Variants in FAM171A1 observed in about 807,000 individuals in gnomAD.
FAM171A1 encodes protein FAM171A1.
In FAM171A1, 23 loss-of-function variants were observed where a neutral mutation model predicts 74.9. That is an observed-to-expected ratio of 0.31 (90% CI 0.22 to 0.44). The LOEUF is 0.44. Among genes scored for constraint, FAM171A1 ranks in the 20% least tolerant of loss-of-function variants. The pLI is 1.00. For missense variants in FAM171A1, 1,162 were observed against 1,159.2 expected (o/e 1.00, Z -0.03); for synonymous variants, 527 against 505.7 (o/e 1.04, Z -0.57).
intron 5 of FAM171A1, among the ~76,000 whole-genome samples, chr10:15,233,521 G>GGGGTGT (rs376109485): frequency 6.9e-5 from 10 of 145,282 alleles, no homozygotes; most frequent in Non-Finnish European, 1.1e-4. Flanking sequence ...GTGTATTCAG[G>GGGGTGT]GTGTGTGTGT....
chr10:15,258,490 C>T (rs922325016), intron 3 of FAM171A1, among the ~76,000 whole-genome samples: 1 of 152,170 alleles, frequency 6.6e-6, no homozygotes, highest in African/African-American at 2.4e-5. Context: ...TTTTCCTCCC[C>T]AACCAACAAA....
At chr10:15,322,994 G>C (rs59737311) in intron 1 of FAM171A1, among the ~76,000 whole-genome samples, 14,664 of 151,878 alleles carry the variant, frequency 0.097, 755 homozygotes, top group Middle Eastern at 0.11. Flanking sequence ...ACAAAAATTA[G>C]ACGGGCGTGG....
intron 1 of FAM171A1, among the ~76,000 whole-genome samples, chr10:15,297,052 G>A (rs930879024): frequency 6.6e-6 from 1 of 151,838 alleles, no homozygotes; most frequent in African/African-American, 2.4e-5. Context: ...GCGTGTATTA[G>A]AGCTTTTTTT....
rs757958694 is a variant in FAM171A1 at position 15,220,965 on chromosome 10, C to A, written c.850G>T (p.Ala284Ser). 1 of 1,613,458 alleles carries A rather than the reference C, an allele frequency of 6.2e-7. No homozygotes were observed. Among genetic ancestry groups the A allele is most frequent in the Admixed American group, 1.7e-5 (1 of 59,968 alleles). The change falls in exon 6 of 8, where the codon GCC (alanine) becomes TCC (serine). Residue 284 changes from alanine to serine, a missense_variant. By Grantham distance (99) the Ala-to-Ser change is moderately conservative. Transcript: ENST00000378116. ...IAPQLGYWVAAMSPPIPGPVV... is the reference protein window; with the variant it reads ...IAPQLGYWVASMSPPIPGPVV... The stretch of plus-strand genomic sequence containing the variant: ...TTACCTGGGATGGGAGGGGACATGG[C>A]GGCCACCCAGTACCCCAACTGGGGG...
At chr10:15,347,895 A>G (rs1166939538) in intron 1 of FAM171A1, among the ~76,000 whole-genome samples, 1 of 151,730 alleles carries the variant, frequency 6.6e-6, no homozygotes, top group Non-Finnish European at 1.5e-5. Flanking sequence ...TTCCTTCCAC[A>G]TGATTTGCGT....
chr10:15,290,215 GA>G (rs1251277955), intron 1 of FAM171A1, among the ~76,000 whole-genome samples: 82 of 141,116 alleles, frequency 5.8e-4, no homozygotes, highest in South Asian at 9.3e-4. Context: ...ATGACAGAGT[GA>G]AAAAAAAAAA....
At chr10:15,364,296 G>A (rs866326322) in intron 1 of FAM171A1, among the ~76,000 whole-genome samples, 1 of 152,022 alleles carries the variant, frequency 6.6e-6, no homozygotes, top group Non-Finnish European at 1.5e-5. Context: ...CAATGGACCC[G>A]AACATAAGAA....
At chr10:15,225,175 G>A (rs542679478) in intron 5 of FAM171A1, among the ~76,000 whole-genome samples, 17 of 152,290 alleles carry the variant, frequency 1.1e-4, no homozygotes, top group Middle Eastern at 3.4e-3. Flanking sequence ...TGTGTCTTGC[G>A]TTCCTTTTGT....
At chr10:15,301,361 TA>T (rs202062374) in intron 1 of FAM171A1, among the ~76,000 whole-genome samples, 66 of 124,200 alleles carry the variant, frequency 5.3e-4, no homozygotes, top group Middle Eastern at 8.1e-3. Flanking sequence ...TATATATATA[TA>T]TTTTTTTTTT....
chr10:15,252,158 T>C (rs1312439829), intron 4 of FAM171A1, among the ~76,000 whole-genome samples: 1 of 152,212 alleles, frequency 6.6e-6, no homozygotes, highest in Admixed American at 6.5e-5. Flanking sequence ...CGGAACATTC[T>C]GTGCTTTCTC....
chr10:15,321,344 GTGT>G (rs1835484642), intron 1 of FAM171A1, among the ~76,000 whole-genome samples: 1 of 152,188 alleles, frequency 6.6e-6, no homozygotes, highest in African/African-American at 2.4e-5. Context: ...GAAACAAGCT[GTGT>G]TCTCGTGTGG....
At chr10:15,364,565 T>C (rs1836036275) in intron 1 of FAM171A1, among the ~76,000 whole-genome samples, 1 of 152,206 alleles carries the variant, frequency 6.6e-6, no homozygotes, top group African/African-American at 2.4e-5. Flanking sequence ...TCTGTGTTAG[T>C]TCCCTATTGC....
chr10:15,321,778 C>A (rs1835489652), intron 1 of FAM171A1, among the ~76,000 whole-genome samples: 1 of 152,202 alleles, frequency 6.6e-6, no homozygotes, highest in Admixed American at 6.5e-5. Context: ...TATTTCATAT[C>A]ATTACAAGCT....
chr10:15,289,479 C>T (rs142998862), intron 1 of FAM171A1, among the ~76,000 whole-genome samples: 2 of 152,280 alleles, frequency 1.3e-5, no homozygotes, highest in East Asian at 1.9e-4. Context: ...GCAAACTCTG[C>T]ATCTCAAAGC....
intron 1 of FAM171A1, among the ~76,000 whole-genome samples, chr10:15,307,093 G>A (rs1289381019): frequency 6.6e-6 from 1 of 152,142 alleles, no homozygotes; most frequent in Non-Finnish European, 1.5e-5. Flanking sequence ...CTGCTTCTAT[G>A]TGCTGACCCA....
chr10:15,223,614 A>T (rs1834067846), intron 5 of FAM171A1, among the ~76,000 whole-genome samples: 1 of 152,084 alleles, frequency 6.6e-6, no homozygotes, highest in African/African-American at 2.4e-5. Flanking sequence ...ATAGCTCCAC[A>T]TTGGCTGGGG....
chr10:15,364,562 T>G (rs1199461269), intron 1 of FAM171A1, among the ~76,000 whole-genome samples: 1 of 152,226 alleles, frequency 6.6e-6, no homozygotes, highest in Non-Finnish European at 1.5e-5. Context: ...GGGTCTGTGT[T>G]AGTTCCCTAT....
intron 1 of FAM171A1, among the ~76,000 whole-genome samples, chr10:15,327,661 A>C (rs1027896456): frequency 1.3e-5 from 2 of 152,102 alleles, no homozygotes; most frequent in African/African-American, 2.4e-5. Flanking sequence ...TAAATAAATA[A>C]ATAAATAAGG....
intron 1 of FAM171A1, among the ~76,000 whole-genome samples, chr10:15,318,280 G>A (rs1481086506): frequency 6.6e-6 from 1 of 152,212 alleles, no homozygotes; most frequent in Admixed American, 6.5e-5. Flanking sequence ...CAGAGCCAGT[G>A]AATCCGGAGA....
Sources: gnomAD v4.1 joint callset for allele counts (sites outside exome capture counted in the v4.1 genomes callset) on GRCh38, gnomAD v4.1.1 for gene constraint, MANE v1.5 for transcripts, NCBI Gene and HGNC (gene_info 2026-07-23, HGNC 2026-07-21) for gene names.